FBXL7: variants seen among roughly 807,000 people sequenced by gnomAD.
The protein encoded by FBXL7 is F-box and leucine rich repeat protein 7.
In FBXL7, 12 loss-of-function variants were observed where a neutral mutation model predicts 38.3. The ratio of observed to expected loss-of-function variants is 0.31; its 90% CI spans 0.20 to 0.51. FBXL7 has a LOEUF of 0.51. FBXL7 is among the 20% of genes least tolerant of loss of function. The probability of loss-of-function intolerance (pLI) is 0.98; values close to 1 mark genes in which losing one functional copy is unlikely to be tolerated. For synonymous variants in FBXL7, 297 were observed against 300.9 expected (o/e 0.99, Z 0.13); for missense variants, 567 against 676.4 (o/e 0.84, Z 1.79).
intron 1 of FBXL7, among the ~76,000 whole-genome samples, chr5:15,514,653 A>AT (rs1408161799): frequency 6.6e-6 from 1 of 151,938 alleles, no homozygotes; most frequent in Non-Finnish European, 1.5e-5. Flanking sequence ...TACTTCTCCC[A>AT]TTTTTTCCTT....
At chr5:15,552,183 A>G (rs16903918) in intron 1 of FBXL7, among the ~76,000 whole-genome samples, 12,921 of 152,208 alleles carry the variant, frequency 0.085, 688 homozygotes, top group South Asian at 0.18. Context: ...TCAGATATTC[A>G]GTTTAATTTC....
At chr5:15,931,226 G>A (rs901232622) in intron 3 of FBXL7, among the ~76,000 whole-genome samples, 1 of 152,196 alleles carries the variant, frequency 6.6e-6, no homozygotes, top group Admixed American at 6.5e-5. Flanking sequence ...ACGAGAGGAA[G>A]TGGTAATAAA....
chr5:15,620,469 C>T (rs1457397523), intron 2 of FBXL7, among the ~76,000 whole-genome samples: 7 of 149,690 alleles, frequency 4.7e-5, no homozygotes, highest in African/African-American at 1.7e-4. Context: ...AAGCTGCTCT[C>T]GAACTCCTGA....
Position 15,687,122 on chromosome 5 carries a change from C to T in FBXL7, c.127+71050C>T, listed in dbSNP as rs115715590. ...CTCCTGCTCCCATTAAAAAGCATTA[C>T]AAGTGAAAACATTTGAGGAAATCAC... On this transcript the variant is annotated intron_variant, in intron 2 of 3. Transcript: ENST00000504595. Among the ~76,000 whole-genome samples the T allele has an allele frequency of 6.7e-3, 1,018 of 152,330 alleles. 11 individuals are homozygous for T. The highest frequency in any genetic ancestry group is 0.023 in the African/African-American group (962 of 41,568).
chr5:15,880,020 C>T (rs1398975323), intron 2 of FBXL7, among the ~76,000 whole-genome samples: 1 of 152,120 alleles, frequency 6.6e-6, no homozygotes, highest in Admixed American at 6.5e-5. Context: ...CCAGAAGAAT[C>T]TGAAAACCAG....
At chr5:15,791,187 A>T (rs1435323309) in intron 2 of FBXL7, among the ~76,000 whole-genome samples, 2 of 152,236 alleles carry the variant, frequency 1.3e-5, no homozygotes, top group African/African-American at 4.8e-5. Flanking sequence ...GTTAAACCTG[A>T]GCACAGTGTC....
At chr5:15,550,204 G>T (rs992615159) in intron 1 of FBXL7, among the ~76,000 whole-genome samples, 2 of 152,134 alleles carry the variant, frequency 1.3e-5, no homozygotes, top group African/African-American at 2.4e-5. Flanking sequence ...AGGACTTTTC[G>T]AAAGCAACTT....
intron 2 of FBXL7, among the ~76,000 whole-genome samples, chr5:15,636,126 C>T (rs1481684589): frequency 4.7e-5 from 7 of 150,266 alleles, no homozygotes; most frequent in African/African-American, 1.5e-4. Context: ...ATTTTCTCTT[C>T]ATTTTGTTCC....
At chr5:15,694,802 C>T (rs886349288) in intron 2 of FBXL7, among the ~76,000 whole-genome samples, 2 of 152,048 alleles carry the variant, frequency 1.3e-5, no homozygotes, top group African/African-American at 4.8e-5. Flanking sequence ...AAACAAAAAG[C>T]TAAAGGGAAC....
intron 2 of FBXL7, among the ~76,000 whole-genome samples, chr5:15,756,868 A>G (rs1375827255): frequency 6.6e-6 from 1 of 152,226 alleles, no homozygotes; most frequent in East Asian, 1.9e-4. Context: ...TAATAATAAG[A>G]AAGAAAAAGG....
chr5:15,525,497 A>G (rs764927531), intron 1 of FBXL7, among the ~76,000 whole-genome samples: 4 of 152,132 alleles, frequency 2.6e-5, no homozygotes, highest in Non-Finnish European at 5.9e-5. Context: ...GAGAAGTGCA[A>G]TCACCTATGC....
intron 2 of FBXL7, among the ~76,000 whole-genome samples, chr5:15,774,928 G>C (rs1177231149): frequency 6.6e-6 from 1 of 152,102 alleles, no homozygotes; most frequent in Admixed American, 6.6e-5. Flanking sequence ...TTCCAAAGTA[G>C]GTGAGAAAAG....
intron 2 of FBXL7, among the ~76,000 whole-genome samples, chr5:15,646,289 G>C (rs1323579674): frequency 6.6e-6 from 1 of 152,144 alleles, no homozygotes; most frequent in Non-Finnish European, 1.5e-5. Flanking sequence ...AGGTAGCTTT[G>C]TTATTTCCCC....
At chr5:15,587,882 G>A (rs913041387) in intron 1 of FBXL7, among the ~76,000 whole-genome samples, 9 of 152,172 alleles carry the variant, frequency 5.9e-5, no homozygotes, top group African/African-American at 2.2e-4. Flanking sequence ...TAGCTAAGGT[G>A]AAGGCTCTTC....
At chr5:15,752,855 G>A (rs1736189305) in intron 2 of FBXL7, among the ~76,000 whole-genome samples, 1 of 152,052 alleles carries the variant, frequency 6.6e-6, no homozygotes, top group Admixed American at 6.6e-5. Context: ...AAGGTTCTTG[G>A]CGAACTGTAA....
chr5:15,687,815 AT>A (rs1454699947), intron 2 of FBXL7, among the ~76,000 whole-genome samples: 1 of 152,168 alleles, frequency 6.6e-6, no homozygotes, highest in Admixed American at 6.5e-5. Flanking sequence ...GTAAATAGGT[AT>A]TTTTTGCACA....
chr5:15,822,196 CA>C (rs5866161), intron 2 of FBXL7, among the ~76,000 whole-genome samples: 72,070 of 127,926 alleles, frequency 0.56, 19,345 homozygotes, highest in Middle Eastern at 0.66. Context: ...ACTAAAAATA[CA>C]AAAAAAAAAA....
rs1736458323 is a variant in FBXL7, at chr5:15,500,506, C to T, written c.-171C>T. ...GGGGGTGCCAGGAGGGGACGCAGCACCCCCTCCCACTGGAGTGCGGGGACC... is the reference window on the plus strand; with the variant it reads ...GGGGGTGCCAGGAGGGGACGCAGCATCCCCTCCCACTGGAGTGCGGGGACC... On this transcript the variant is annotated 5_prime_UTR_variant, in exon 1 of 4. Coordinates refer to ENST00000504595, the MANE Select transcript of FBXL7 (RefSeq NM_012304.5). 3.5e-6 allele frequency: 3 copies of T among 847,012 alleles called. No individual in the cohort carries two copies. The highest frequency in any genetic ancestry group is 2.7e-5 in the South Asian group (2 of 73,028). 52.5% of individuals were successfully genotyped at this position (847,012 alleles called of 1,614,324 possible).
rs73752381 is a variant in FBXL7 at position 15,902,641 on chromosome 5, C to G, written c.128-25249C>G. Among the ~76,000 whole-genome samples the G allele has an allele frequency of 7.0e-3, 1,063 of 152,322 alleles. 17 individuals carry two copies. The highest frequency in any genetic ancestry group is 0.024 in the African/African-American group (1,009 of 41,568). On this transcript the variant is annotated intron_variant, in intron 2 of 3. Transcript: ENST00000504595. ...TGTGTGTAAAGCTTACTCTTGATGACAGAATTTGCTAGCTGCTTTTCTGAA... is the reference window on the plus strand; with the variant it reads ...TGTGTGTAAAGCTTACTCTTGATGAGAGAATTTGCTAGCTGCTTTTCTGAA...
Sources: gnomAD v4.1 joint callset for allele counts (sites outside exome capture counted in the v4.1 genomes callset) on GRCh38, gnomAD v4.1.1 for gene constraint, MANE v1.5 for transcripts, NCBI Gene and HGNC (gene_info 2026-07-23, HGNC 2026-07-21) for gene names.